CRAMP1: variants seen among roughly 807,000 people sequenced by gnomAD.
The protein encoded by CRAMP1 is cramped chromatin regulator 1.
Under a neutral mutation model 115.4 loss-of-function variants are expected in CRAMP1, and 50 were observed. The observed-to-expected ratio is 0.43, with a 90% CI of 0.35 to 0.55. The LOEUF (loss-of-function observed/expected upper bound fraction) is 0.55, where lower values mean the gene tolerates loss of function less well. Ranked by LOEUF, CRAMP1 falls within the 20% of genes least tolerant of loss-of-function variation. The pLI, the probability that CRAMP1 is intolerant of heterozygous loss-of-function variation, is 0.01. For missense variants in CRAMP1, 1,679 were observed against 1,721.7 expected, an observed-to-expected ratio of 0.98 and a Z score of 0.44; for synonymous variants, 866 against 745.4, an observed-to-expected ratio of 1.16 and a Z score of -2.64.
At chr16:1,653,190 A>G (rs1314374402) in intron 8 of CRAMP1, 34 bp downstream of exon 8, 2 of 1,595,036 alleles carry the variant, frequency 1.3e-6, no homozygotes, top group Admixed American at 1.8e-5. Context: ...AGGGGTCCCA[A>G]CTGCTTGAGC....
At position 1,614,826 on chromosome 16, in the gene CRAMP1, C is replaced by G. The variant is rs1596479595; in HGVS notation, c.187C>G (p.Pro63Ala). 7.9e-7 allele frequency: 1 copy of G among 1,270,620 alleles called. No homozygotes were observed. The highest frequency in any genetic ancestry group is 1.6e-5 in the African/African-American group (1 of 64,134). 78.7% of individuals were successfully genotyped at this position (1,270,620 alleles called of 1,614,324 possible). Residue 63 changes from proline (P) to alanine (A), a missense_variant, in exon 2 of 21, where the codon CCC (proline) becomes GCC (alanine). Pro to Ala is a conservative substitution (Grantham distance 27). Around this residue, in one of 8 missense-constraint regions of CRAMP1, gnomAD observed 264 missense variants for 229.7 expected, o/e 1.15. Transcript: ENST00000397412. The surrounding 1 kb of genome is among the most constrained non-coding windows in gnomAD (Gnocchi z 4.4). ...CGGCGCCGACGGCCCCCCCGCGCCC[C>G]CCGGCGCGCCGCAGGCGCCGTCCCC... ...RAGADGPPAP[P>A]GAPQAPSPPQ...
intron 4 of CRAMP1, among the ~76,000 whole-genome samples, chr16:1,635,431 C>CA (rs1008289004): frequency 6.6e-6 from 1 of 152,182 alleles, no homozygotes; most frequent in Non-Finnish European, 1.5e-5. Context: ...TTCACGAACT[C>CA]AAAGTTGGAT....
At chr16:1,622,576 G>A (rs2036473957) in intron 2 of CRAMP1, among the ~76,000 whole-genome samples, 1 of 152,078 alleles carries the variant, frequency 6.6e-6, no homozygotes, top group African/African-American at 2.4e-5. Flanking sequence ...AAGGTTACTT[G>A]GGGCGATTTG....
At position 1,614,045 on chromosome 16, in the gene CRAMP1, C is replaced by T. The variant is rs2036391984; in HGVS notation, c.-1-594C>T. On this transcript the variant is annotated intron_variant, in intron 1 of 20. Coordinates refer to ENST00000397412, the MANE Select transcript of CRAMP1 (RefSeq NM_020825.4). This position sits in a 1 kb window ranked among gnomAD's most constrained non-coding sequence, Gnocchi z 4.4. The stretch of plus-strand genomic sequence containing the variant: ...GGTGGATCCGGCCTCCTCTGTCCTC[C>T]TCCAGGGCCAGCTCTGGGGGCCGGC... 6.6e-6 allele frequency among the ~76,000 whole-genome samples: 1 copy of T among 150,982 alleles called. No homozygotes were observed. The highest frequency in any genetic ancestry group is 2.1e-4 in the South Asian group (1 of 4,816).
chr16:1,624,443 T>C (rs2036491892), intron 2 of CRAMP1, among the ~76,000 whole-genome samples: 1 of 151,842 alleles, frequency 6.6e-6, no homozygotes, highest in African/African-American at 2.4e-5. Context: ...AGACAGGGTC[T>C]CGCTCTGCCA....
Position 1,614,333 on chromosome 16 carries a change from G to C in CRAMP1, c.-1-306G>C, listed in dbSNP as rs1235366889. 1.9e-3 allele frequency among the ~76,000 whole-genome samples: 280 copies of C among 145,906 alleles called. 4 individuals are homozygous for C. Among genetic ancestry groups the C allele is most frequent in the Non-Finnish European group, 3.5e-4 (23 of 65,486 alleles). On this transcript the variant is annotated intron_variant, in intron 1 of 20. Coordinates refer to ENST00000397412, the MANE Select transcript of CRAMP1 (RefSeq NM_020825.4). The surrounding 1 kb of genome is among the most constrained non-coding windows in gnomAD (Gnocchi z 4.4). ...GACCCCGGGGCCGGGGCCGGGGCCG[G>C]GGCCGGGCAGGGTCCGCCGAGCTGT...
rs969980024 is a variant in CRAMP1, at chr16:1,656,777, C to T, written c.2020C>T (p.Arg674Cys). ...VPASRLAQQL[R>C]EEGWNLQTSE... is the part of the protein sequence containing the mutation. ...CGCCAGCCGGCTGGCTCAGCAGCTC[C>T]GTGAGGAGGGCTGGAACCTGCAGAC... Residue 674 changes from arginine (R) to cysteine (C), a missense_variant, in exon 10 of 21, where the codon CGT becomes TGT. Coordinates refer to ENST00000397412, the MANE Select transcript of CRAMP1 (RefSeq NM_020825.4). This position sits in a 1 kb window ranked among gnomAD's most constrained non-coding sequence, Gnocchi z 5.6. The T allele has an allele frequency of 1.3e-5, 20 of 1,547,766 alleles. No homozygotes were observed. The South Asian group carries it at 1.4e-4, about 11-fold the overall frequency.
At chr16:1,641,254 G>C in intron 6 of CRAMP1, 67 bp downstream of exon 6, 1 of 1,178,026 alleles carries the variant, frequency 8.5e-7, no homozygotes, top group Non-Finnish European at 1.3e-6. Context: ...CTAAAATACA[G>C]AAGCTGAAAT....
At chr16:1,640,516 A>C (rs747742366) in intron 5 of CRAMP1, among the ~76,000 whole-genome samples, 6 of 152,248 alleles carry the variant, frequency 3.9e-5, no homozygotes, top group Non-Finnish European at 7.3e-5. Flanking sequence ...AGAATTTTAC[A>C]GTGAACAGCC....
intron 6 of CRAMP1, among the ~76,000 whole-genome samples, chr16:1,650,626 A>G (rs180994838): frequency 1.0e-3 from 157 of 152,374 alleles, no homozygotes; most frequent in African/African-American, 3.5e-3. Context: ...GTGTACAGGT[A>G]CAAATATAGA....
chr16:1,651,540 CA>C (rs2036723093), intron 6 of CRAMP1, among the ~76,000 whole-genome samples: 2 of 147,470 alleles, frequency 1.4e-5, no homozygotes, highest in African/African-American at 5.1e-5. Context: ...TGAGGTCACA[CA>C]GGTCATTTAG....
intron 2 of CRAMP1, among the ~76,000 whole-genome samples, chr16:1,617,297 G>T (rs1032502586): frequency 2.0e-5 from 3 of 152,182 alleles, no homozygotes; most frequent in Non-Finnish European, 4.4e-5. Flanking sequence ...AGGTTCCTCA[G>T]TGCTTTGGGA....
intron 4 of CRAMP1, among the ~76,000 whole-genome samples, chr16:1,634,411 C>G (rs1365208441): frequency 6.6e-6 from 1 of 152,170 alleles, no homozygotes; most frequent in Non-Finnish European, 1.5e-5. Flanking sequence ...TAATCCTAAA[C>G]TTGCTGGTGC....
chr16:1,660,157 C>T, intron 11 of CRAMP1, 94 bp downstream of exon 11: 2 of 1,159,894 alleles, frequency 1.7e-6, no homozygotes, highest in Non-Finnish European at 2.3e-6. Context: ...CACAGGTGTG[C>T]CTGAGGCCGG....
chr16:1,668,072 C>T lies in CRAMP1; in HGVS notation c.3213C>T (p.Asp1071=), dbSNP rs765391064. ...ESSSTRLSPP[D]VSALLDISLP... ...CCAGCACCCGGCTGTCTCCACCAGACGTCTCTGCTCTGCTCGACATCTCCC... is the reference window on the plus strand; with the variant it reads ...CCAGCACCCGGCTGTCTCCACCAGATGTCTCTGCTCTGCTCGACATCTCCC... Residue 1071 remains aspartate (D), a synonymous_variant, in exon 18 of 21, where the codon GAC becomes GAT. Coordinates refer to ENST00000397412, the MANE Select transcript of CRAMP1 (RefSeq NM_020825.4). 7.4e-6 allele frequency: 12 copies of T among 1,613,778 alleles called. No homozygotes were observed. Among genetic ancestry groups the T allele is most frequent in the South Asian group, 1.1e-5 (1 of 91,092 alleles).
At chr16:1,659,332 G>A (rs2036803253) in intron 10 of CRAMP1, among the ~76,000 whole-genome samples, 1 of 152,186 alleles carries the variant, frequency 6.6e-6, no homozygotes, top group Non-Finnish European at 1.5e-5. Flanking sequence ...TTGTGAGGAA[G>A]GGAGTGGTTT....
intron 6 of CRAMP1, among the ~76,000 whole-genome samples, chr16:1,648,046 A>G (rs2036691639): frequency 6.6e-6 from 1 of 152,116 alleles, no homozygotes; most frequent in South Asian, 2.1e-4. Flanking sequence ...TCCATTTGAG[A>G]GAAAAAGACG....
At chr16:1,622,027 G>A (rs1484805263) in intron 2 of CRAMP1, among the ~76,000 whole-genome samples, 1 of 152,146 alleles carries the variant, frequency 6.6e-6, no homozygotes, top group Non-Finnish European at 1.5e-5. Context: ...AGCTGAGTCA[G>A]GTGGCCTCAC....
At chr16:1,616,128 G>A (rs1259054423) in intron 2 of CRAMP1, among the ~76,000 whole-genome samples, 1 of 152,198 alleles carries the variant, frequency 6.6e-6, no homozygotes, top group African/African-American at 2.4e-5. Context: ...AACTTAGCAT[G>A]TTTCAGAATT....
Sources: gnomAD v4.1 joint callset for allele counts (sites outside exome capture counted in the v4.1 genomes callset) on GRCh38, gnomAD v4.1.1 for gene constraint, gnomAD v4.1.1 regional missense constraint, Gnocchi (gnomAD v3.1) non-coding constraint, MANE v1.5 for transcripts, NCBI Gene and HGNC (gene_info 2026-07-23, HGNC 2026-07-21) for gene names.